Variants in COPG1 observed in about 807,000 individuals in gnomAD.
COPG1 encodes the protein coatomer subunit gamma-1.
A neutral mutation model predicts 102.8 loss-of-function variants in COPG1; 29 were observed. The observed-to-expected ratio is 0.28, with a 90% CI of 0.21 to 0.38. The LOEUF (loss-of-function observed/expected upper bound fraction) is 0.38, where lower values mean the gene tolerates loss of function less well. COPG1 is among the 10% of genes least tolerant of loss of function. The probability of loss-of-function intolerance (pLI) is 1.00; values close to 1 mark genes in which losing one functional copy is unlikely to be tolerated. For missense variants in COPG1, 875 were observed against 1,132.7 expected (o/e 0.77, Z 3.27); for synonymous variants, 406 against 421.6 (o/e 0.96, Z 0.45).
At chr3:129,252,157 T>C in intron 2 of COPG1, 124 bp from the exon 3 acceptor site, 1 of 666,574 alleles carries the variant, frequency 1.5e-6, no homozygotes, top group East Asian at 2.6e-5. Flanking sequence ...AAAATAAGCT[T>C]GTTGCATACC....
At chr3:129,262,673 T>C (rs1424760778) in intron 12 of COPG1, among the ~76,000 whole-genome samples, 1 of 150,556 alleles carries the variant, frequency 6.6e-6, no homozygotes, top group South Asian at 2.1e-4. Flanking sequence ...CAGTGAGCCA[T>C]GATCATGCCA....
chr3:129,274,467 C>A (rs533441500), intron 21 of COPG1, among the ~76,000 whole-genome samples: 7 of 152,216 alleles, frequency 4.6e-5, no homozygotes, highest in Non-Finnish European at 8.8e-5. Flanking sequence ...GCTCATCATC[C>A]CCTAGGAGGG....
Position 129,252,309 on chromosome 3 carries a change from A to C in COPG1, c.119A>C (p.Asn40Thr). 1 of 1,612,936 alleles carries C rather than the reference A, an allele frequency of 6.2e-7. No homozygotes were observed. The highest frequency in any genetic ancestry group is 8.5e-7 in the Non-Finnish European group (1 of 1,179,058). ...EARVFNETPI[N>T]PRKCAHILTK... ...CGTGTATTTAATGAAACTCCCATCA[A>C]CCCTCGGAAATGTGCCCACATCCTC... The change falls in exon 3 of 24, where the codon AAC (asparagine) becomes ACC (threonine). Residue 40 changes from asparagine (N) to threonine (T), a missense_variant. Physicochemically the swap from Asn to Thr is moderately conservative, Grantham distance 65. Transcript: ENST00000314797.
At chr3:129,250,634 T>C in intron 1 of COPG1, 48 bp from the exon 2 acceptor site, 1 of 1,501,086 alleles carries the variant, frequency 6.7e-7, no homozygotes. Context: ...TGGGAGAGTT[T>C]TGAAGTTCAG....
At chr3:129,250,878 C>A in intron 2 of COPG1, 144 bp downstream of exon 2, 3 of 388,552 alleles carry the variant, frequency 7.7e-6, no homozygotes, top group Non-Finnish European at 1.5e-5. Context: ...GACAGGAAAA[C>A]TTTGTTTCTG....
chr3:129,255,493 T>C (rs1159689237), intron 7 of COPG1, among the ~76,000 whole-genome samples: 1 of 149,088 alleles, frequency 6.7e-6, no homozygotes, highest in Non-Finnish European at 1.5e-5. Flanking sequence ...TCTTCTTTTT[T>C]TTTTTTTGAG....
At chr3:129,253,660 A>G (rs149078921) in intron 5 of COPG1, among the ~76,000 whole-genome samples, 5 of 152,318 alleles carry the variant, frequency 3.3e-5, no homozygotes, top group East Asian at 3.9e-4. Context: ...CAGAGGAATG[A>G]TCTAAGTGGA....
chr3:129,267,389 A>G (rs1400950948), intron 15 of COPG1, among the ~76,000 whole-genome samples: 1 of 152,330 alleles, frequency 6.6e-6, no homozygotes, highest in Admixed American at 6.5e-5. Flanking sequence ...TGGGAGGCCA[A>G]GGCGGGCGGA....
chr3:129,260,512 T>C, intron 11 of COPG1, 107 bp from the exon 12 acceptor site: 1 of 1,509,562 alleles, frequency 6.6e-7, no homozygotes, highest in South Asian at 1.2e-5. Context: ...TAGTTTCTTC[T>C]AGATGGTGAG....
chr3:129,254,906 C>T, intron 6 of COPG1, 79 bp from the exon 7 acceptor site: 1 of 1,283,458 alleles, frequency 7.8e-7, no homozygotes, highest in Middle Eastern at 1.8e-4. Context: ...TCATACTCAT[C>T]TCTGCCCCCA....
At chr3:129,252,502 C>T in intron 3 of COPG1, 121 bp from the exon 4 acceptor site, 2 of 1,034,546 alleles carry the variant, frequency 1.9e-6, no homozygotes. Context: ...CCTCAGCATC[C>T]AAGTCTCATA....
chr3:129,255,034 A>G lies in COPG1; in HGVS notation c.449A>G (p.Asp150Gly), dbSNP rs1245809520. ...IERYMKQAIV[D>G]KVPSVSSSAL... ...CGCTACATGAAACAAGCCATTGTGG[A>G]CAAGGTGCCCAGTGTCTCCAGCTCT... Residue 150 changes from aspartate (D) to glycine (G), a missense_variant, in exon 7 of 24, where the codon GAC becomes GGC. Asp to Gly is a moderately conservative substitution (Grantham distance 94). Coordinates refer to ENST00000314797, the MANE Select transcript of COPG1 (RefSeq NM_016128.4). The G allele has an allele frequency of 2.5e-6, 4 of 1,614,074 alleles. No homozygotes were observed. The highest frequency in any genetic ancestry group is 1.3e-5 in the African/African-American group (1 of 74,936).
At chr3:129,253,094 C>A in intron 5 of COPG1, 139 bp downstream of exon 5, 1 of 644,672 alleles carries the variant, frequency 1.6e-6, no homozygotes, top group Non-Finnish European at 2.8e-6. Context: ...TACCACTGCC[C>A]ACCCCATGGC....
intron 5 of COPG1, 106 bp downstream of exon 5, chr3:129,253,061 CCA>C: frequency 1.0e-6 from 1 of 969,758 alleles, no homozygotes. Context: ...TGCCAGCTGC[CCA>C]CCCCGTGGCA....
Position 129,271,710 on chromosome 3 carries a change from A to G in COPG1, c.1844-57A>G, listed in dbSNP as rs1940184045. The G allele has an allele frequency of 1.9e-6, 3 of 1,600,948 alleles. No homozygotes were observed. The highest frequency in any genetic ancestry group is 2.6e-6 in the Non-Finnish European group (3 of 1,172,150). Reference sequence around the variant, plus strand: ...TGGTCATGGGAATTTATTAGAAACCATCAACAAGTTGGTCTGGGGATCGAG... The same window carrying G: ...TGGTCATGGGAATTTATTAGAAACCGTCAACAAGTTGGTCTGGGGATCGAG... On this transcript the variant is annotated intron_variant, in intron 18 of 23. Coordinates refer to ENST00000314797, the MANE Select transcript of COPG1 (RefSeq NM_016128.4). The surrounding 1 kb of genome is among the most constrained non-coding windows in gnomAD (Gnocchi z 4.7).
intron 17 of COPG1, 140 bp downstream of exon 17, chr3:129,268,760 C>G: frequency 8.4e-7 from 1 of 1,195,026 alleles, no homozygotes. Context: ...ACCTCTGGCT[C>G]CAGAAAATAG....
At chr3:129,269,682 C>T (rs1940149416) in intron 18 of COPG1, among the ~76,000 whole-genome samples, 1 of 152,018 alleles carries the variant, frequency 6.6e-6, no homozygotes, top group Non-Finnish European at 1.5e-5. Context: ...AAATGAAATC[C>T]CCCCTTCCCC....
Position 129,277,461 on chromosome 3 carries a change from A to G in COPG1, c.*37A>G, listed in dbSNP as rs189728000. 15 of 1,606,484 alleles carry G rather than the reference A, an allele frequency of 9.3e-6. No individual in the cohort carries two copies. The East Asian group carries it at 1.8e-4, about 19-fold the overall frequency. On this transcript the variant is annotated 3_prime_UTR_variant, in exon 24 of 24. Coordinates refer to ENST00000314797, the MANE Select transcript of COPG1 (RefSeq NM_016128.4). ...GCATAGGACCTCATACCCTTCCCCA[A>G]CACTACCTGGAAGTTGTGCCTTCCT...
At chr3:129,260,566 T>A (rs1939906167) in intron 11 of COPG1, 53 bp from the exon 12 acceptor site, 1 of 1,585,942 alleles carries the variant, frequency 6.3e-7, no homozygotes, top group African/African-American at 1.3e-5. Flanking sequence ...AACCATCAAA[T>A]GTAGTGACAG....
Sources: allele counts gnomAD v4.1 joint callset (sites outside exome capture counted in the v4.1 genomes callset), GRCh38; gene constraint gnomAD v4.1.1; non-coding constraint Gnocchi (gnomAD v3.1); transcripts MANE v1.5; gene names NCBI Gene and HGNC (gene_info 2026-07-23, HGNC 2026-07-21).